ZNF135: variants seen among roughly 807,000 people sequenced by gnomAD.
The protein encoded by ZNF135 is zinc finger protein 135, also known as zinc finger protein 135 (clone pHZ-17).
In ZNF135, 11 loss-of-function variants were observed where a neutral mutation model predicts 12.3. The observed-to-expected ratio is 0.89, with a 90% confidence interval of 0.56 to 1.48. ZNF135 has a LOEUF of 1.48. ZNF135 is among the 40% of genes most tolerant of loss of function. The probability of loss-of-function intolerance (pLI) is 0.00; values close to 1 mark genes in which losing one functional copy is unlikely to be tolerated. For synonymous variants in ZNF135, 316 were observed against 312.0 expected (o/e 1.01, Z -0.14); for missense variants, 722 against 815.7 (o/e 0.89, Z 1.40).
Position 58,069,548 on chromosome 19 carries a change from T to G in ZNF135, c.*1087T>G, listed in dbSNP as rs1326160488. The G allele has an allele frequency of 6.6e-6, 1 of 152,204 alleles. No individual in the cohort carries two copies. Among genetic ancestry groups the G allele is most frequent in the African/African-American group, 2.4e-5 (1 of 41,444 alleles). The allele number at this position is 152,204 out of a possible 1,614,324, so 9.4% of individuals were successfully genotyped here. ...AGCAGTCTTTCTGACAACTATAACC[T>G]TTAAATGGTGACTTGCTGCCCTCAT... On this transcript the variant is annotated 3_prime_UTR_variant, in exon 5 of 5. Coordinates refer to ENST00000313434, the MANE Select transcript of ZNF135 (RefSeq NM_001289401.2).
At position 58,059,957 on chromosome 19, in the gene ZNF135, C is replaced by G; in HGVS notation, c.-34-12C>G. The G allele has an allele frequency of 6.2e-7, 1 of 1,612,470 alleles. No homozygotes were observed. Among genetic ancestry groups the G allele is most frequent in the South Asian group, 1.1e-5 (1 of 91,062 alleles). On this transcript the variant is annotated splice_polypyrimidine_tract_variant and intron_variant, in intron 1 of 4. Transcript: ENST00000313434. This position sits in a 1 kb window ranked among gnomAD's most constrained non-coding sequence, Gnocchi z 6.5. The stretch of plus-strand genomic sequence containing the variant: ...CTGCCTGCCCCAGCTGCTCACCTCC[C>G]CTTTCCCACAGAGCAGGGCCAGCCG...
rs1420910930 is a variant in ZNF135 at position 58,065,279 on chromosome 19, G to A, written c.257-1462G>A. 6.6e-6 allele frequency among the ~76,000 whole-genome samples: 1 copy of A among 152,020 alleles called. No homozygotes were observed. The highest frequency in any genetic ancestry group is 1.5e-5 in the Non-Finnish European group (1 of 68,006). ...TATGATCATGGCTCACAGCAACCTT[G>A]ACCTTCTGGGCTCAGGTGATCCTCC... On this transcript the variant is annotated intron_variant, in intron 4 of 4. Coordinates refer to ENST00000313434, the MANE Select transcript of ZNF135 (RefSeq NM_001289401.2). The surrounding 1 kb of genome is among the most constrained non-coding windows in gnomAD (Gnocchi z 4.0).
At position 58,060,292 on chromosome 19, in the gene ZNF135, C is replaced by CCTCT; in HGVS notation, c.33+258_33+261dup. The CCTCT allele has an allele frequency of 7.2e-7, 1 of 1,380,664 alleles. No homozygotes were observed. Among genetic ancestry groups the CCTCT allele is most frequent in the African/African-American group, 1.5e-5 (1 of 68,448 alleles). 85.5% of individuals were successfully genotyped at this position (1,380,664 alleles called of 1,614,324 possible). On this transcript the variant is annotated intron_variant, in intron 2 of 4. Transcript: ENST00000313434. The surrounding 1 kb of genome is among the most constrained non-coding windows in gnomAD (Gnocchi z 4.9). ...GCCCGGCCTCTATTTGCACATCTAG[C>CCTCT]CTCTACTCGTGTCCGGCCTCTACCT...
chr19:58,059,287 G>A lies in ZNF135; in HGVS notation c.-58G>A. On this transcript the variant is annotated 5_prime_UTR_variant, in exon 1 of 5. Coordinates refer to ENST00000313434, the MANE Select transcript of ZNF135 (RefSeq NM_001289401.2). The surrounding 1 kb of genome is among the most constrained non-coding windows in gnomAD (Gnocchi z 6.5). ...GCGCAGTGTCGGCTGCCGGTGCCGC[G>A]GCCTTTGTCTCGCAGTCAGGAGGGT... is the stretch of plus-strand genomic sequence containing the variant. 2.0e-6 allele frequency: 3 copies of A among 1,531,520 alleles called. No individual in the cohort carries two copies. Among genetic ancestry groups the A allele is most frequent in the East Asian group, 2.4e-5 (1 of 41,062 alleles). 94.9% of individuals were successfully genotyped at this position (1,531,520 alleles called of 1,614,324 possible).
At chr19:58,066,236 T>C (rs1171028983) in intron 4 of ZNF135, among the ~76,000 whole-genome samples, 1 of 152,144 alleles carries the variant, frequency 6.6e-6, no homozygotes, top group Non-Finnish European at 1.5e-5. Context: ...ACATCTAGAG[T>C]GAGGTGGCAC....
rs558418096 is a variant in ZNF135, at chr19:58,060,986, G to A, written c.34-594G>A. On this transcript the variant is annotated intron_variant, in intron 2 of 4. Transcript: ENST00000313434. This position sits in a 1 kb window ranked among gnomAD's most constrained non-coding sequence, Gnocchi z 4.9. ...CTAAAAATACAAAAAAAAATTAGCCGGGGGGGTGGCGGGCGCCTGTAGTCC... is the reference window on the plus strand; with the variant it reads ...CTAAAAATACAAAAAAAAATTAGCCAGGGGGGTGGCGGGCGCCTGTAGTCC... Among the ~76,000 whole-genome samples, 29 of 152,084 alleles carry A rather than the reference G, an allele frequency of 1.9e-4. No homozygotes were observed. The highest frequency in any genetic ancestry group is 1.2e-3 in the South Asian group (6 of 4,806).
rs2073937642 is a variant in ZNF135 at position 58,059,860 on chromosome 19, C to T, written c.-34-109C>T. The T allele has an allele frequency of 7.4e-7, 1 of 1,343,348 alleles. No homozygotes were observed. The highest frequency in any genetic ancestry group is 1.0e-6 in the Non-Finnish European group (1 of 981,744). The allele number at this position is 1,343,348 out of a possible 1,614,324, so 83.2% of individuals were successfully genotyped here. On this transcript the variant is annotated intron_variant, in intron 1 of 4. Coordinates refer to ENST00000313434, the MANE Select transcript of ZNF135 (RefSeq NM_001289401.2). The surrounding 1 kb of genome is among the most constrained non-coding windows in gnomAD (Gnocchi z 6.5). ...CAGGCGCTTAAACGGGTACGCGGGG[C>T]CCTGGACGGCTCTCCGCGGAGCTCC...
chr19:58,059,297 T>A lies in ZNF135; in HGVS notation c.-48T>A. 1 of 1,457,452 alleles carries A rather than the reference T, an allele frequency of 6.9e-7. No individual in the cohort carries two copies. The highest frequency in any genetic ancestry group is 9.1e-7 in the Non-Finnish European group (1 of 1,098,518). The allele number at this position is 1,457,452 out of a possible 1,614,324, so 90.3% of individuals were successfully genotyped here. On this transcript the variant is annotated 5_prime_UTR_variant, in exon 1 of 5. Transcript: ENST00000313434. This position sits in a 1 kb window ranked among gnomAD's most constrained non-coding sequence, Gnocchi z 6.5. ...GGCTGCCGGTGCCGCGGCCTTTGTC[T>A]CGCAGTCAGGAGGGTGAGCTAGGCC...
rs758866568 is a variant in ZNF135, at chr19:58,066,738, C to T, written c.257-3C>T. On this transcript the variant is annotated splice_polypyrimidine_tract_variant and splice_region_variant and intron_variant, in intron 4 of 4. Coordinates refer to ENST00000313434, the MANE Select transcript of ZNF135 (RefSeq NM_001289401.2). ...GGACATTTCCAGTTTTTGCTTCTTT[C>T]AGACTTGGAAACTAGACCCAAAGTC... 2.5e-6 allele frequency: 4 copies of T among 1,612,926 alleles called. No individual in the cohort carries two copies.
In ZNF135 at chr19:58,067,782, C is replaced by T. The variant is rs2074100998; in HGVS notation, c.1298C>T (p.Thr433Ile). The T allele has an allele frequency of 1.9e-6, 3 of 1,613,998 alleles. No homozygotes were observed. The highest frequency in any genetic ancestry group is 1.3e-5 in the African/African-American group (1 of 74,914). ...CTGACCGAGCATCGGAGGATTCACA[C>T]AGGAGAGAAGCCCTATGGATGCAAC... ...TLLTEHRRIH[T>I]GEKPYGCNEC... The change falls in exon 5 of 5, where the codon ACA becomes ATA. Residue 433 changes from threonine (T) to isoleucine (I), a missense_variant. Transcript: ENST00000313434.
Position 58,061,611 on chromosome 19 carries a change from G to A in ZNF135, c.65G>A (p.Gly22Asp), listed in dbSNP as rs1469087. 0.84 allele frequency: 1,351,141 copies of A among 1,613,056 alleles called. 569,922 individuals are homozygous for A. Among genetic ancestry groups the A allele is most frequent in the African/African-American group, 0.93 (69,756 of 74,942 alleles). Reference protein sequence around the residue: ...EQVTFEDVVVGFSQEEWGQLK... With the variant: ...EQVTFEDVVVDFSQEEWGQLK... ...GTGACGTTTGAGGACGTGGTAGTGG[G>A]CTTCAGCCAGGAGGAGTGGGGGCAG... The change falls in exon 3 of 5, where the codon GGC becomes GAC. Residue 22 changes from glycine (G) to aspartate (D), a missense_variant. Transcript: ENST00000313434.
Position 58,067,577 on chromosome 19 carries a change from C to G in ZNF135, c.1093C>G (p.His365Asp). The G allele has an allele frequency of 1.2e-6, 2 of 1,613,808 alleles. No homozygotes were observed. Among genetic ancestry groups the G allele is most frequent in the South Asian group, 2.2e-5 (2 of 91,076 alleles). The change falls in exon 5 of 5, where the codon CAC becomes GAC. Residue 365 changes from histidine to aspartate, a missense_variant. Physicochemically the swap from His to Asp is moderately conservative, Grantham distance 81. Transcript: ENST00000313434. Reference protein sequence around the residue: ...QCGECGKAFSHSSSLTKHQRI... With the variant: ...QCGECGKAFSDSSSLTKHQRI... Reference sequence around the variant, plus strand: ...TGGTGAGTGTGGCAAGGCCTTCAGCCACAGCTCATCCTTGACCAAACACCA... The same window carrying G: ...TGGTGAGTGTGGCAAGGCCTTCAGCGACAGCTCATCCTTGACCAAACACCA...
chr19:58,068,879 A>T lies in ZNF135; in HGVS notation c.*418A>T. ...TGCCTTTCATATATACGAGAACCAA[A>T]TGAAGTCAGAATTTGCCATTATTGC... On this transcript the variant is annotated 3_prime_UTR_variant, in exon 5 of 5. Coordinates refer to ENST00000313434, the MANE Select transcript of ZNF135 (RefSeq NM_001289401.2). The T allele has an allele frequency of 5.9e-6, 1 of 170,046 alleles. No individual in the cohort carries two copies. Among genetic ancestry groups the T allele is most frequent in the South Asian group, 1.4e-4 (1 of 6,924 alleles). The allele number at this position is 170,046 out of a possible 1,614,324, so 10.5% of individuals were successfully genotyped here.
In ZNF135 at chr19:58,063,616, C is replaced by G; in HGVS notation, c.256+75C>G. On this transcript the variant is annotated intron_variant, in intron 4 of 4. Transcript: ENST00000313434. The surrounding 1 kb of genome is among the most constrained non-coding windows in gnomAD (Gnocchi z 4.4). The stretch of plus-strand genomic sequence containing the variant: ...CCTGGTTTCTCCCTCTGCATCTGCT[C>G]TCTAATTCTTCAGAGCAAATTTACT... 6.3e-7 allele frequency: 1 copy of G among 1,591,438 alleles called. No individual in the cohort carries two copies. Among genetic ancestry groups the G allele is most frequent in the South Asian group, 1.1e-5 (1 of 88,722 alleles).
rs2073929305 is a variant in ZNF135 at position 58,059,488 on chromosome 19, G to A, written c.-35+178G>A. Among the ~76,000 whole-genome samples, 1 of 152,072 alleles carries A rather than the reference G, an allele frequency of 6.6e-6. No individual in the cohort carries two copies. The highest frequency in any genetic ancestry group is 1.5e-5 in the Non-Finnish European group (1 of 68,008). ...GGAAGGCCGTTTCGGGGCTGGCGGG[G>A]GCAGGCTTTGCGGGGCATCCCTAGT... is the stretch of plus-strand genomic sequence containing the variant. On this transcript the variant is annotated intron_variant, in intron 1 of 4. Transcript: ENST00000313434. This position sits in a 1 kb window ranked among gnomAD's most constrained non-coding sequence, Gnocchi z 6.5.
rs2074042648 is a variant in ZNF135, at chr19:58,065,001, G to T, written c.256+1460G>T. ...ATACACAGATTTTCGATTGTACTGG[G>T]GTCAGTGCCCCTAGCCCCCTCATTG... On this transcript the variant is annotated intron_variant, in intron 4 of 4. Coordinates refer to ENST00000313434, the MANE Select transcript of ZNF135 (RefSeq NM_001289401.2). This position sits in a 1 kb window ranked among gnomAD's most constrained non-coding sequence, Gnocchi z 4.0. 6.6e-6 allele frequency among the ~76,000 whole-genome samples: 1 copy of T among 152,252 alleles called. No homozygotes were observed. The highest frequency in any genetic ancestry group is 1.9e-4 in the East Asian group (1 of 5,190).
At position 58,063,350 on chromosome 19, in the gene ZNF135, C is replaced by T; in HGVS notation, c.161-96C>T. The T allele has an allele frequency of 1.3e-6, 2 of 1,555,602 alleles. No homozygotes were observed. The highest frequency in any genetic ancestry group is 1.7e-6 in the Non-Finnish European group (2 of 1,147,316). On this transcript the variant is annotated intron_variant, in intron 3 of 4. Coordinates refer to ENST00000313434, the MANE Select transcript of ZNF135 (RefSeq NM_001289401.2). The surrounding 1 kb of genome is among the most constrained non-coding windows in gnomAD (Gnocchi z 4.4). ...GCTGAAGTCACTCAGGGGTCCCCAG[C>T]CATCTGGGACCTGGAAGACCAAAGG...
chr19:58,063,839 T>G lies in ZNF135; in HGVS notation c.256+298T>G. 2 of 449,762 alleles carry G rather than the reference T, an allele frequency of 4.4e-6. No homozygotes were observed. The highest frequency in any genetic ancestry group is 5.9e-6 in the Non-Finnish European group (2 of 340,836). 27.9% of individuals were successfully genotyped at this position (449,762 alleles called of 1,614,324 possible). A position where few individuals can be genotyped will look rare whatever the true frequency, so the allele number is the denominator to read the frequency against. The stretch of plus-strand genomic sequence containing the variant: ...GAGAAAATGAAAATGAGCAATGAGG[T>G]AGACTAGGAGGGGGATGAGTAGACT... On this transcript the variant is annotated intron_variant, in intron 4 of 4. Coordinates refer to ENST00000313434, the MANE Select transcript of ZNF135 (RefSeq NM_001289401.2). This position sits in a 1 kb window ranked among gnomAD's most constrained non-coding sequence, Gnocchi z 4.4.
chr19:58,061,523 C>T (rs922685108), intron 2 of ZNF135, 57 bp from the exon 3 acceptor site: 2 of 1,571,582 alleles, frequency 1.3e-6, no homozygotes, highest in African/African-American at 2.7e-5. Context: ...ACCAGCTACC[C>T]CACCAGCAGC....
Sources: allele counts gnomAD v4.1 joint callset (sites outside exome capture counted in the v4.1 genomes callset), GRCh38; gene constraint gnomAD v4.1.1; non-coding constraint Gnocchi (gnomAD v3.1); transcripts MANE v1.5; gene names NCBI Gene and HGNC (gene_info 2026-07-23, HGNC 2026-07-21).